TUSC3: variants seen among roughly 807,000 people sequenced by gnomAD.
The protein encoded by TUSC3 is dolichyl-diphosphooligosaccharide--protein glycosyltransferase subunit TUSC3.
Under a neutral mutation model 44.8 loss-of-function variants are expected in TUSC3, and 45 were observed. That is an observed-to-expected ratio of 1.00 (90% CI 0.79 to 1.29). TUSC3 has a LOEUF of 1.29. Among genes scored for constraint, TUSC3 ranks in the 50% most tolerant of loss-of-function variants. The pLI, the probability that TUSC3 is intolerant of heterozygous loss-of-function variation, is 0.00. For synonymous variants in TUSC3, 212 were observed against 152.9 expected (o/e 1.39, Z -2.85); for missense variants, 519 against 437.9 (o/e 1.19, Z -1.65).
At chr8:15,522,931 C>G (rs1041910356) in intron 2 of TUSC3, among the ~76,000 whole-genome samples, 1 of 152,060 alleles carries the variant, frequency 6.6e-6, no homozygotes, top group Non-Finnish European at 1.5e-5. Flanking sequence ...CAGAGAGAGG[C>G]GCAGTGGGAG....
At chr8:15,445,568 C>T (rs1040028791) in intron 1 of TUSC3, among the ~76,000 whole-genome samples, 7 of 152,166 alleles carry the variant, frequency 4.6e-5, no homozygotes, top group African/African-American at 1.4e-4. Context: ...GCACATCTTG[C>T]ACCGCCCTTA....
intron 2 of TUSC3, among the ~76,000 whole-genome samples, chr8:15,513,348 A>T (rs1801169452): frequency 2.0e-5 from 3 of 152,154 alleles, no homozygotes; most frequent in Admixed American, 2.0e-4. Flanking sequence ...TAATGAGGAG[A>T]TGGAAGTTGC....
rs570739505 is a variant in TUSC3, at chr8:15,448,420, A to G, written n.91+31115A>G. On this transcript the variant is annotated intron_variant and non_coding_transcript_variant, in intron 1 of 5. Transcript: ENST00000503191. ...AGACATGTGCCACCATGCCCAGCCT[A>G]AAGTATAAATTTATACTGATAAAAG... 2.1e-3 allele frequency among the ~76,000 whole-genome samples: 318 copies of G among 152,152 alleles called. 3 individuals carry two copies. The highest frequency in any genetic ancestry group is 7.4e-3 in the African/African-American group (306 of 41,492).
At chr8:15,566,143 A>G (rs149434365) in intron 1 of TUSC3, among the ~76,000 whole-genome samples, 4 of 152,258 alleles carry the variant, frequency 2.6e-5, no homozygotes, top group African/African-American at 4.8e-5. Context: ...TCTCTAGACA[A>G]CGTTATCAGA....
the TUSC3 span, among the ~76,000 whole-genome samples, chr8:15,797,108 T>G: frequency 6.6e-6 from 1 of 152,214 alleles, no homozygotes; most frequent in Non-Finnish European, 1.5e-5. Context: ...AGGCAGCTTC[T>G]CTTTATCAGA....
chr8:15,612,773 A>G (rs1804818213), intron 1 of TUSC3, among the ~76,000 whole-genome samples: 1 of 152,060 alleles, frequency 6.6e-6, no homozygotes, highest in African/African-American at 2.4e-5. Context: ...TGAAGATTCT[A>G]AGTTACAGAT....
At chr8:15,612,290 A>G (rs1427277099) in intron 1 of TUSC3, among the ~76,000 whole-genome samples, 2 of 152,176 alleles carry the variant, frequency 1.3e-5, no homozygotes, top group Non-Finnish European at 2.9e-5. Context: ...GAGACCACAT[A>G]TCTTTTTGCC....
At chr8:15,722,063 C>G (rs912327716) in intron 6 of TUSC3, among the ~76,000 whole-genome samples, 3 of 151,948 alleles carry the variant, frequency 2.0e-5, no homozygotes, top group African/African-American at 7.2e-5. Context: ...ACAATTGATT[C>G]CCATTAGCTG....
intron 5 of TUSC3, among the ~76,000 whole-genome samples, chr8:15,668,123 G>T (rs996713727): frequency 1.3e-5 from 2 of 151,686 alleles, no homozygotes; most frequent in African/African-American, 4.8e-5. Context: ...ATTGGTATCT[G>T]TTTTGTACAT....
intron 2 of TUSC3, among the ~76,000 whole-genome samples, chr8:15,504,748 G>A (rs1801030675): frequency 6.7e-6 from 1 of 148,778 alleles, no homozygotes; most frequent in Non-Finnish European, 1.5e-5. Flanking sequence ...TGCCTCCTGG[G>A]TTCAAGCGAT....
In TUSC3 at chr8:15,749,346, A is replaced by G. The variant is rs190843239; in HGVS notation, c.1028+881A>G. 3.9e-3 allele frequency among the ~76,000 whole-genome samples: 588 copies of G among 152,302 alleles called. 2 individuals carry two copies. Among genetic ancestry groups the G allele is most frequent in the Admixed American group, 8.2e-3 (126 of 15,294 alleles). ...CGTTTCCACACAGATCATAGCAGCAATATATAGCTTTATCAGGGAAAAAAC... is the reference window on the plus strand; with the variant it reads ...CGTTTCCACACAGATCATAGCAGCAGTATATAGCTTTATCAGGGAAAAAAC... On this transcript the variant is annotated intron_variant, in intron 9 of 10. Transcript: ENST00000503731.
intron 2 of TUSC3, among the ~76,000 whole-genome samples, chr8:15,649,538 C>G (rs112501090): frequency 1.3e-5 from 2 of 150,900 alleles, no homozygotes; most frequent in East Asian, 3.9e-4. Flanking sequence ...GAGCCGAGAT[C>G]GCGCCACTGC....
intron 6 of TUSC3, among the ~76,000 whole-genome samples, chr8:15,708,358 A>C (rs1025311162): frequency 2.0e-5 from 3 of 151,982 alleles, no homozygotes; most frequent in African/African-American, 7.2e-5. Context: ...TGCTGTAGGC[A>C]TTTGGGTACC....
intron 10 of TUSC3, among the ~76,000 whole-genome samples, chr8:15,763,077 G>C (rs1255019179): frequency 6.6e-6 from 1 of 151,674 alleles, no homozygotes; most frequent in African/African-American, 2.4e-5. Flanking sequence ...ATTGTACTGT[G>C]ACTTTATTTA....
intron 1 of TUSC3, among the ~76,000 whole-genome samples, chr8:15,610,868 T>G (rs1013682366): frequency 6.6e-5 from 10 of 152,088 alleles, no homozygotes; most frequent in African/African-American, 2.4e-4. Flanking sequence ...TGTGGATCTC[T>G]CCTCAGGGAA....
chr8:15,479,571 T>C (rs1800630992), intron 1 of TUSC3, among the ~76,000 whole-genome samples: 1 of 152,152 alleles, frequency 6.6e-6, no homozygotes, highest in Admixed American at 6.5e-5. Flanking sequence ...TTTTGTAAGG[T>C]TTGTCAAAGA....
intron 1 of TUSC3, among the ~76,000 whole-genome samples, chr8:15,474,468 G>C (rs1800547910): frequency 6.6e-6 from 1 of 152,124 alleles, no homozygotes; most frequent in African/African-American, 2.4e-5. Context: ...CTCTGCTGCA[G>C]CTCCAGTTGG....
intron 5 of TUSC3, among the ~76,000 whole-genome samples, chr8:15,672,857 G>A (rs748586988): frequency 6.6e-6 from 1 of 151,970 alleles, no homozygotes; most frequent in Non-Finnish European, 1.5e-5. Flanking sequence ...CTTGTCTTTG[G>A]TGTTTTTGGT....
chr8:15,838,191 G>A, the TUSC3 span, among the ~76,000 whole-genome samples: 373 of 152,182 alleles, frequency 2.5e-3, 1 homozygote, highest in Non-Finnish European at 4.0e-3. Flanking sequence ...TTTTGTTATT[G>A]TAAGCAAGAA....
Sources: gnomAD v4.1 joint callset for allele counts (sites outside exome capture counted in the v4.1 genomes callset) on GRCh38, gnomAD v4.1.1 for gene constraint, MANE v1.5 for transcripts, NCBI Gene and HGNC (gene_info 2026-07-23, HGNC 2026-07-21) for gene names.